The following MALRD1 variants were observed in gnomAD, a reference collection of about 807,000 sequenced individuals.
The protein encoded by MALRD1 is MAM and LDL-receptor class A domain-containing protein 1.
MALRD1 carries 247 observed loss-of-function variants against 242.1 expected under a neutral mutation model. The ratio of observed to expected loss-of-function variants is 1.02; its 90% confidence interval spans 0.92 to 1.13. The LOEUF is 1.13. MALRD1 is among the 50% of genes most tolerant of loss of function. MALRD1 has a pLI of 0.00. For synonymous variants in MALRD1, 995 were observed against 866.6 expected (o/e 1.15, Z -2.60); for missense variants, 2,989 against 2,533.1 (o/e 1.18, Z -3.86).
At chr10:19,217,291 G>A (rs904085422) in intron 18 of MALRD1, among the ~76,000 whole-genome samples, 14 of 152,120 alleles carry the variant, frequency 9.2e-5, no homozygotes, top group African/African-American at 3.4e-4. Flanking sequence ...ACTGATTCCT[G>A]TGTGCCATAA....
At chr10:19,562,237 G>A (rs767195384) in intron 32 of MALRD1, among the ~76,000 whole-genome samples, 1 of 152,122 alleles carries the variant, frequency 6.6e-6, no homozygotes, top group Non-Finnish European at 1.5e-5. Flanking sequence ...GGAGTTTGCA[G>A]TGAGCCAAGA....
chr10:19,124,589 A>G lies in MALRD1; in HGVS notation c.862A>G (p.Ile288Val). 8.1e-7 allele frequency: 1 copy of G among 1,233,806 alleles called. No individual in the cohort carries two copies. The highest frequency in any genetic ancestry group is 1.0e-6 in the Non-Finnish European group (1 of 988,100). 76.4% of individuals were successfully genotyped at this position (1,233,806 alleles called of 1,614,324 possible). A position where few individuals can be genotyped will look rare whatever the true frequency, so the allele number is the denominator to read the frequency against. Residue 288 changes from isoleucine (I) to valine (V), a missense_variant, in exon 7 of 40, where the codon ATT (isoleucine) becomes GTT (valine). Ile to Val is a conservative substitution (Grantham distance 29). Coordinates refer to ENST00000454679, the MANE Select transcript of MALRD1 (RefSeq NM_001142308.3). ...EWTSEASAGQ[I>V]SWMRTKAREI... Reference sequence around the variant, plus strand: ...GACGTCAGAAGCATCTGCTGGCCAAATTTCCTGGATGCGCACAAAAGCGAG... The same window carrying G: ...GACGTCAGAAGCATCTGCTGGCCAAGTTTCCTGGATGCGCACAAAAGCGAG...
intron 31 of MALRD1, among the ~76,000 whole-genome samples, chr10:19,522,919 A>G (rs1350429269): frequency 6.6e-6 from 1 of 152,180 alleles, no homozygotes; most frequent in African/African-American, 2.4e-5. Context: ...TCTACATCCA[A>G]ATGAAAGACA....
chr10:19,364,388 G>A (rs747218116), intron 26 of MALRD1, among the ~76,000 whole-genome samples: 2 of 151,958 alleles, frequency 1.3e-5, no homozygotes, highest in Non-Finnish European at 2.9e-5. Context: ...ATGTTCCTTA[G>A]CACTCACAAT....
intron 13 of MALRD1, 22 bp from the exon 14 acceptor site, chr10:19,175,186 T>G (rs1478841533): frequency 8.2e-7 from 1 of 1,224,498 alleles, no homozygotes; most frequent in African/African-American, 1.6e-5. Context: ...TTTTTAACAG[T>G]TTTATCTTTC....
chr10:19,730,920 C>A (rs754904564), intron 39 of MALRD1, 139 bp downstream of exon 39: 5 of 797,156 alleles, frequency 6.3e-6, no homozygotes, highest in East Asian at 2.7e-5. Flanking sequence ...GGAGTTATTT[C>A]AATTGGGGAT....
At position 19,706,239 on chromosome 10, in the gene MALRD1, C is replaced by G. The variant is rs543710648; in HGVS notation, c.6314+13685C>G. 2.7e-4 allele frequency among the ~76,000 whole-genome samples: 41 copies of G among 152,286 alleles called. No homozygotes were observed. The South Asian group carries it at 4.4e-3, about 16-fold the overall frequency. On this transcript the variant is annotated intron_variant, in intron 38 of 39. Coordinates refer to ENST00000454679, the MANE Select transcript of MALRD1 (RefSeq NM_001142308.3). ...ACTCTGGGAAGGGAAACAGATTACA[C>G]TTAGAAAAGTGTGTTGTAGAGACGT...
At chr10:19,214,687 TG>T (rs1837229088) in intron 18 of MALRD1, among the ~76,000 whole-genome samples, 1 of 152,192 alleles carries the variant, frequency 6.6e-6, no homozygotes, top group Admixed American at 6.5e-5. Context: ...AACTTAACAA[TG>T]TCAATGCAGT....
intron 10 of MALRD1, among the ~76,000 whole-genome samples, chr10:19,142,624 T>A (rs1314867467): frequency 6.6e-6 from 1 of 152,200 alleles, no homozygotes; most frequent in Non-Finnish European, 1.5e-5. Context: ...CGCTTAGAGA[T>A]GGTGAAGCGT....
At chr10:19,229,849 G>A (rs1837972421) in intron 18 of MALRD1, among the ~76,000 whole-genome samples, 1 of 152,108 alleles carries the variant, frequency 6.6e-6, no homozygotes, top group Non-Finnish European at 1.5e-5. Context: ...AGAAAGCCTA[G>A]CTATATTTAA....
intron 2 of MALRD1, among the ~76,000 whole-genome samples, chr10:19,081,091 C>T (rs1032936582): frequency 2.0e-5 from 3 of 151,830 alleles, no homozygotes; most frequent in Admixed American, 1.3e-4. Context: ...GTCAGAATAG[C>T]GATTATTAAA....
At chr10:19,457,786 A>G (rs1835735423) in intron 29 of MALRD1, among the ~76,000 whole-genome samples, 1 of 150,886 alleles carries the variant, frequency 6.6e-6, no homozygotes, top group Non-Finnish European at 1.5e-5. Context: ...AAGTGATATC[A>G]GACATATCAT....
chr10:19,565,844 G>T lies in MALRD1; in HGVS notation c.5479-1658G>T, dbSNP rs76095207. On this transcript the variant is annotated intron_variant, in intron 32 of 39. Coordinates refer to ENST00000454679, the MANE Select transcript of MALRD1 (RefSeq NM_001142308.3). The stretch of plus-strand genomic sequence containing the variant: ...CCAAAATGTCCAACTTGATATTAGG[G>T]TTAAAGTCTCACATTTCAGGTTTCC... Among the ~76,000 whole-genome samples, 403 of 152,226 alleles carry T rather than the reference G, an allele frequency of 2.6e-3. 8 individuals carry two copies. In the East Asian group the frequency reaches 0.058, roughly 22 times the overall value.
chr10:19,718,797 A>C (rs181187546), intron 38 of MALRD1, among the ~76,000 whole-genome samples: 100 of 152,110 alleles, frequency 6.6e-4, no homozygotes, highest in Middle Eastern at 6.8e-3. Context: ...TTTTCTATAT[A>C]TATTTTTGTC....
chr10:19,074,745 G>A (rs1338871222), intron 2 of MALRD1, among the ~76,000 whole-genome samples: 2 of 151,892 alleles, frequency 1.3e-5, no homozygotes, highest in African/African-American at 4.8e-5. Flanking sequence ...ATTTTTCTAT[G>A]CATCATTTGC....
At chr10:19,127,448 G>GT (rs2131390827) in intron 7 of MALRD1, among the ~76,000 whole-genome samples, 1 of 152,200 alleles carries the variant, frequency 6.6e-6, no homozygotes, top group East Asian at 1.9e-4. Context: ...TCATGTTCTT[G>GT]TTTTTGTCTT....
At chr10:19,282,398 G>A (rs557520991) in intron 20 of MALRD1, among the ~76,000 whole-genome samples, 53 of 152,210 alleles carry the variant, frequency 3.5e-4, no homozygotes, top group African/African-American at 1.3e-3. Context: ...GTATACACAA[G>A]AATTTCATTG....
At chr10:19,596,204 TAATTACAC>T (rs1407760831) in intron 34 of MALRD1, among the ~76,000 whole-genome samples, 1 of 152,170 alleles carries the variant, frequency 6.6e-6, no homozygotes, top group East Asian at 1.9e-4. Context: ...AGGTAAGAAG[TAATTACAC>T]ACATCTTAAA....
chr10:19,498,481 C>G lies in MALRD1; in HGVS notation c.5159-4C>G. ...AAATTCCATTAATGTTTTTGCTTCC[C>G]CAGCACATTATACAAGCACAACAGG... On this transcript the variant is annotated splice_region_variant and splice_polypyrimidine_tract_variant and intron_variant, in intron 30 of 39. Coordinates refer to ENST00000454679, the MANE Select transcript of MALRD1 (RefSeq NM_001142308.3). The G allele has an allele frequency of 6.5e-7, 1 of 1,546,824 alleles. No homozygotes were observed. Among genetic ancestry groups the G allele is most frequent in the Non-Finnish European group, 8.7e-7 (1 of 1,144,514 alleles).
Sources: allele counts gnomAD v4.1 joint callset (sites outside exome capture counted in the v4.1 genomes callset), GRCh38; gene constraint gnomAD v4.1.1; transcripts MANE v1.5; gene names NCBI Gene and HGNC (gene_info 2026-07-23, HGNC 2026-07-21).